The following NSD3 variants were observed in gnomAD, a reference collection of about 807,000 sequenced individuals.
NSD3 encodes the protein histone-lysine N-methyltransferase NSD3.
In NSD3, 24 loss-of-function variants were observed where a neutral mutation model predicts 160.8. The observed-to-expected ratio is 0.15, with a 90% CI of 0.11 to 0.21. The LOEUF (loss-of-function observed/expected upper bound fraction) is 0.21, where lower values mean the gene tolerates loss of function less well. NSD3 is among the 10% of genes least tolerant of loss of function. NSD3 has a pLI of 1.00. For missense variants in NSD3, 1,157 were observed against 1,735.9 expected, an observed-to-expected ratio of 0.67 and a Z score of 5.93; for synonymous variants, 520 against 600.0, an observed-to-expected ratio of 0.87 and a Z score of 1.95.
chr8:38,315,652 C>T lies in NSD3; in HGVS notation c.1987-108G>A, dbSNP rs114859929. ...CTTGCTCAAACATTAGATCTTGACA[C>T]AACCACCTTTTTCCTTCCTTTCTTT... On this transcript the variant is annotated intron_variant, in intron 10 of 23. Coordinates refer to ENST00000317025, the MANE Select transcript of NSD3 (RefSeq NM_023034.2). 923 of 1,447,572 alleles carry T rather than the reference C, an allele frequency of 6.4e-4. 4 individuals carry two copies. The African/African-American group carries it at 0.012, about 18-fold the overall frequency. The allele number at this position is 1,447,572 out of a possible 1,614,324, so 89.7% of individuals were successfully genotyped here.
chr8:38,280,374 T>A (rs1191351331), intron 20 of NSD3, among the ~76,000 whole-genome samples: 1 of 152,162 alleles, frequency 6.6e-6, no homozygotes, highest in Non-Finnish European at 1.5e-5. Context: ...ATCCCAGCAA[T>A]CATAAAGAAC....
chr8:38,279,500 TC>T (rs762536717), intron 21 of NSD3, 39 bp downstream of exon 21: 1 of 1,608,846 alleles, frequency 6.2e-7, no homozygotes, highest in Non-Finnish European at 8.5e-7. Context: ...TATTCTTTCT[TC>T]CTAGGGAGGA....
chr8:38,310,918 C>T (rs1051928497), intron 12 of NSD3, among the ~76,000 whole-genome samples: 7 of 152,050 alleles, frequency 4.6e-5, no homozygotes, highest in African/African-American at 7.2e-5. Context: ...ACAGCCACTA[C>T]ACCATTTTAT....
chr8:38,366,110 CAAAA>C (rs757397268), intron 1 of NSD3, among the ~76,000 whole-genome samples: 1 of 44,332 alleles, frequency 2.3e-5, no homozygotes, highest in Non-Finnish European at 4.9e-5. Flanking sequence ...GACTCTGTCT[CAAAA>C]AAAAAAAAAA....
intron 21 of NSD3, 67 bp from the exon 22 acceptor site, chr8:38,278,479 A>C: frequency 7.5e-7 from 1 of 1,342,238 alleles, no homozygotes; most frequent in Non-Finnish European, 1.0e-6. Context: ...TCACAGGCAC[A>C]CTCCCCTAAT....
At chr8:38,296,641 C>T (rs1344075702) in intron 15 of NSD3, among the ~76,000 whole-genome samples, 1 of 150,584 alleles carries the variant, frequency 6.6e-6, no homozygotes, top group African/African-American at 2.4e-5. Context: ...TTATCAACAA[C>T]CAAAAAACCT....
At chr8:38,370,878 A>G (rs1041527160) in intron 1 of NSD3, among the ~76,000 whole-genome samples, 3 of 152,160 alleles carry the variant, frequency 2.0e-5, no homozygotes, top group African/African-American at 7.2e-5. Flanking sequence ...AAAAGCTTTC[A>G]AAATGTTTAT....
In NSD3 at chr8:38,274,980, G is replaced by A. The variant is rs1366461645; in HGVS notation, c.*661C>T. On this transcript the variant is annotated 3_prime_UTR_variant, in exon 24 of 24. Transcript: ENST00000317025. ...CTAGGTAAAGTTACCATAGTACAAA[G>A]CCCACCTTGTTTAAGACCACAGAGG... The A allele has an allele frequency of 4.7e-6, 1 of 212,764 alleles. No homozygotes were observed. Among genetic ancestry groups the A allele is most frequent in the East Asian group, 7.1e-5 (1 of 14,076 alleles). 13.2% of individuals were successfully genotyped at this position (212,764 alleles called of 1,614,324 possible). A position where few individuals can be genotyped will look rare whatever the true frequency, so the allele number is the denominator to read the frequency against.
intron 6 of NSD3, among the ~76,000 whole-genome samples, chr8:38,328,935 A>G (rs1414039897): frequency 6.6e-6 from 1 of 152,230 alleles, no homozygotes; most frequent in Non-Finnish European, 1.5e-5. Context: ...ATAAGAATCT[A>G]ACAAAATTGC....
chr8:38,308,187 T>C (rs1809451884), intron 12 of NSD3, among the ~76,000 whole-genome samples: 1 of 152,240 alleles, frequency 6.6e-6, no homozygotes, highest in Non-Finnish European at 1.5e-5. Flanking sequence ...TCTTTGATTC[T>C]GGAAGTACCC....
chr8:38,373,876 T>C (rs989660226), intron 1 of NSD3, among the ~76,000 whole-genome samples: 19 of 148,044 alleles, frequency 1.3e-4, no homozygotes, highest in African/African-American at 2.3e-4. Flanking sequence ...GGTGGGAGGA[T>C]TGGTTGAGCC....
Position 38,276,421 on chromosome 8 carries a change from G to A in NSD3, c.3947C>T (p.Pro1316Leu), listed in dbSNP as rs761606565. The change falls in exon 23 of 24, where the codon CCA becomes CTA. Residue 1316 changes from proline (P) to leucine (L), a missense_variant. Transcript: ENST00000317025. ...KQKRRKIKTE[P>L]KQMHEDYCFQ... is the part of the protein sequence containing the mutation. ...ACAGTAATCTTCATGCATCTGCTTT[G>A]GTTCTGTTTTGATCTTTCGTCTCTT... 3.7e-6 allele frequency: 6 copies of A among 1,614,150 alleles called. 1 individual carries two copies. The South Asian group carries it at 5.5e-5, about 15-fold the overall frequency.
At chr8:38,377,549 A>G (rs1375721317) in intron 1 of NSD3, among the ~76,000 whole-genome samples, 1 of 151,880 alleles carries the variant, frequency 6.6e-6, no homozygotes, top group Non-Finnish European at 1.5e-5. Flanking sequence ...GTGTTTCGTC[A>G]TGTTGGCCAG....
In NSD3 at chr8:38,319,490, A is replaced by G. The variant is rs1326543032; in HGVS notation, c.1810-550T>C. 1.3e-5 allele frequency among the ~76,000 whole-genome samples: 2 copies of G among 152,186 alleles called. No homozygotes were observed. The highest frequency in any genetic ancestry group is 2.9e-5 in the Non-Finnish European group (2 of 68,022). On this transcript the variant is annotated intron_variant, in intron 8 of 23. Coordinates refer to ENST00000317025, the MANE Select transcript of NSD3 (RefSeq NM_023034.2). The surrounding 1 kb of genome is among the most constrained non-coding windows in gnomAD (Gnocchi z 4.1). ...TTGCTGCTAGTACAAACTTAAGAAA[A>G]TAAGTTTGTGATATTGCAAAAGCAC...
At chr8:38,373,204 T>C (rs1277405265) in intron 1 of NSD3, among the ~76,000 whole-genome samples, 2 of 152,086 alleles carry the variant, frequency 1.3e-5, no homozygotes, top group African/African-American at 4.8e-5. Flanking sequence ...ATTACCTGGG[T>C]GATAGTTACC....
chr8:38,372,677 AG>A (rs1811278434), intron 1 of NSD3, among the ~76,000 whole-genome samples: 1 of 150,214 alleles, frequency 6.7e-6, no homozygotes, highest in African/African-American at 2.4e-5. Flanking sequence ...TTGTAGTTTT[AG>A]TAGAGACGGG....
intron 1 of NSD3, among the ~76,000 whole-genome samples, chr8:38,361,552 G>A (rs899055169): frequency 6.6e-6 from 1 of 150,496 alleles, no homozygotes; most frequent in Admixed American, 6.6e-5. Context: ...TCAGGAGATC[G>A]AGACCATCCT....
rs555434093 is a variant in NSD3, at chr8:38,287,655, A to AT, written c.3501+831dup. Among the ~76,000 whole-genome samples, 644 of 141,100 alleles carry AT rather than the reference A, an allele frequency of 4.6e-3. 2 individuals are homozygous for AT. Among genetic ancestry groups the AT allele is most frequent in the African/African-American group, 0.012 (466 of 38,730 alleles). 92.6% of individuals were successfully genotyped at this position (141,100 alleles called of 152,430 possible). On this transcript the variant is annotated intron_variant, in intron 19 of 23. Transcript: ENST00000317025. ...ATGGCATTTTAAAATTACAAACCTG[A>AT]TTTTTTTTTTTTTTTGAGATGGAGT... is the stretch of plus-strand genomic sequence containing the variant.
intron 19 of NSD3, among the ~76,000 whole-genome samples, chr8:38,282,617 GCCGAGATCGCGCCACTGC>G (rs1808755960): frequency 2.0e-5 from 3 of 152,176 alleles, no homozygotes. Context: ...GCTGCAGAGG[GCCGAGATCGCGCCACTGC>G]CCTCCAGCCT....
Sources: gnomAD v4.1 joint callset for allele counts (sites outside exome capture counted in the v4.1 genomes callset) on GRCh38, gnomAD v4.1.1 for gene constraint, Gnocchi (gnomAD v3.1) non-coding constraint, MANE v1.5 for transcripts, NCBI Gene and HGNC (gene_info 2026-07-23, HGNC 2026-07-21) for gene names.